CACNA2D1: variants seen among roughly 807,000 people sequenced by gnomAD.
CACNA2D1 encodes calcium voltage-gated channel auxiliary subunit alpha2delta 1, also known as voltage-dependent calcium channel subunit alpha-2/delta-1.
Under a neutral mutation model 171.5 loss-of-function variants are expected in CACNA2D1, and 53 were observed. The ratio of observed to expected loss-of-function variants is 0.31; its 90% CI spans 0.25 to 0.39. The LOEUF is 0.39. Among genes scored for constraint, CACNA2D1 ranks in the 10% least tolerant of loss-of-function variants. The pLI is 1.00. For synonymous variants in CACNA2D1, 442 were observed against 443.1 expected (o/e 1.00, Z 0.03); for missense variants, 903 against 1,299.8 (o/e 0.69, Z 4.69).
intron 3 of CACNA2D1, among the ~76,000 whole-genome samples, chr7:82,305,772 A>G (rs1813652030): frequency 1.3e-5 from 2 of 152,106 alleles, no homozygotes; most frequent in South Asian, 2.1e-4. Context: ...GTTGATTTTC[A>G]TCATATCTAT....
At chr7:82,434,064 A>T (rs1364508360) in intron 1 of CACNA2D1, among the ~76,000 whole-genome samples, 1 of 152,214 alleles carries the variant, frequency 6.6e-6, no homozygotes, top group African/African-American at 2.4e-5. Context: ...ACCATTCAAC[A>T]CCATGAGCAC....
intron 1 of CACNA2D1, among the ~76,000 whole-genome samples, chr7:82,432,148 A>G (rs1052630136): frequency 3.3e-5 from 5 of 152,070 alleles, no homozygotes; most frequent in African/African-American, 1.2e-4. Context: ...AATGATTGTT[A>G]GTAATTATTA....
intron 4 of CACNA2D1, among the ~76,000 whole-genome samples, chr7:82,149,792 AAC>A (rs1171399472): frequency 2.1e-5 from 3 of 143,890 alleles, no homozygotes; most frequent in Admixed American, 6.9e-5. Context: ...ACAAACAAAC[AAC>A]AAAAAAAAAA....
rs908556106 is a variant in CACNA2D1, at chr7:82,099,489, G to A, written c.527-14589C>T. On this transcript the variant is annotated intron_variant, in intron 6 of 38. Coordinates refer to ENST00000356860, the MANE Select transcript of CACNA2D1 (RefSeq NM_000722.4). Reference sequence around the variant, plus strand: ...TTTTGAGACGGAGTCTCGCTCTGTCGCCCAGGCTGGAGTGCAGCGGCGGGA... The same window carrying A: ...TTTTGAGACGGAGTCTCGCTCTGTCACCCAGGCTGGAGTGCAGCGGCGGGA... Among the ~76,000 whole-genome samples, 3 of 39,290 alleles carry A rather than the reference G, an allele frequency of 7.6e-5. No individual in the cohort carries two copies. In the Admixed American group the frequency reaches 1.1e-3, roughly 15 times the overall value. The allele number at this position is 39,290 out of a possible 152,430, so 25.8% of individuals were successfully genotyped here.
intron 9 of CACNA2D1, among the ~76,000 whole-genome samples, chr7:82,063,995 A>T (rs1807285906): frequency 6.6e-6 from 1 of 152,066 alleles, no homozygotes; most frequent in African/African-American, 2.4e-5. Flanking sequence ...AGTAGCTGGA[A>T]CTACAGGTGT....
chr7:82,069,713 CTTTTT>C (rs3839803), intron 7 of CACNA2D1, among the ~76,000 whole-genome samples: 1 of 150,184 alleles, frequency 6.7e-6, no homozygotes, highest in African/African-American at 2.4e-5. Context: ...CGAAGTACCC[CTTTTT>C]TTTTTATTTC....
intron 16 of CACNA2D1, among the ~76,000 whole-genome samples, chr7:82,006,379 T>G (rs1310207358): frequency 1.3e-5 from 2 of 151,998 alleles, no homozygotes; most frequent in African/African-American, 2.4e-5. Flanking sequence ...GCTAATAACT[T>G]CTATATACCA....
At chr7:82,360,650 T>A (rs544238791) in intron 1 of CACNA2D1, among the ~76,000 whole-genome samples, 1 of 152,288 alleles carries the variant, frequency 6.6e-6, no homozygotes, top group African/African-American at 2.4e-5. Flanking sequence ...ACATAAAATA[T>A]TCTAAAAGCA....
chr7:82,365,465 A>G (rs1821578379), intron 1 of CACNA2D1, among the ~76,000 whole-genome samples: 1 of 152,206 alleles, frequency 6.6e-6, no homozygotes, highest in Admixed American at 6.5e-5. Context: ...TTTTGTTTAC[A>G]TTCAATTTAT....
chr7:82,314,177 T>A (rs1211299154), intron 3 of CACNA2D1, among the ~76,000 whole-genome samples: 1 of 152,200 alleles, frequency 6.6e-6, no homozygotes, highest in African/African-American at 2.4e-5. Context: ...GATAAGTAAA[T>A]ACTTTGGTTT....
At chr7:82,126,728 A>T (rs1584842842) in intron 5 of CACNA2D1, among the ~76,000 whole-genome samples, 1 of 152,292 alleles carries the variant, frequency 6.6e-6, no homozygotes, top group Non-Finnish European at 1.5e-5. Flanking sequence ...CATTCAGACA[A>T]TGAGACACCA....
intron 23 of CACNA2D1, 37 bp downstream of exon 23, chr7:81,983,277 T>G: frequency 3.8e-6 from 6 of 1,563,858 alleles, no homozygotes; most frequent in Non-Finnish European, 5.3e-6. Flanking sequence ...TCAAGTGTAC[T>G]AAACAGAAAG....
intron 1 of CACNA2D1, among the ~76,000 whole-genome samples, chr7:82,392,506 C>T (rs533392477): frequency 6.6e-6 from 1 of 152,310 alleles, no homozygotes; most frequent in African/African-American, 2.4e-5. Context: ...GGCTGGGACA[C>T]ACTCTGCCCA....
At chr7:82,093,184 GTGTT>G (rs930545447) in intron 6 of CACNA2D1, among the ~76,000 whole-genome samples, 2 of 152,278 alleles carry the variant, frequency 1.3e-5, no homozygotes, top group African/African-American at 4.8e-5. Context: ...TCTTGGGAAA[GTGTT>G]TTACCCTCTC....
At chr7:82,236,712 G>C (rs1298944265) in intron 3 of CACNA2D1, among the ~76,000 whole-genome samples, 1 of 151,788 alleles carries the variant, frequency 6.6e-6, no homozygotes, top group African/African-American at 2.4e-5. Context: ...TTCTTACATT[G>C]AGCTTTTTAT....
chr7:82,151,738 A>G (rs1285285257), intron 4 of CACNA2D1, among the ~76,000 whole-genome samples: 1 of 152,124 alleles, frequency 6.6e-6, no homozygotes, highest in African/African-American at 2.4e-5. Flanking sequence ...GTGTTATGGA[A>G]CAAAGGAACA....
At chr7:82,131,999 TA>T (rs925983465) in intron 5 of CACNA2D1, among the ~76,000 whole-genome samples, 27 of 152,138 alleles carry the variant, frequency 1.8e-4, no homozygotes, top group Non-Finnish European at 2.9e-4. Flanking sequence ...AATCTTTTTT[TA>T]AAAAAAATGT....
intron 3 of CACNA2D1, among the ~76,000 whole-genome samples, chr7:82,260,497 T>C (rs1374426718): frequency 1.3e-5 from 2 of 152,190 alleles, no homozygotes; most frequent in East Asian, 3.8e-4. Flanking sequence ...CAAGACTCAA[T>C]TACACATGGT....
intron 1 of CACNA2D1, among the ~76,000 whole-genome samples, chr7:82,372,647 A>G: frequency 6.6e-6 from 1 of 152,010 alleles, no homozygotes; most frequent in Non-Finnish European, 1.5e-5. Context: ...CTAAGACATA[A>G]AAGAGAATAA....
Sources: allele counts gnomAD v4.1 joint callset (sites outside exome capture counted in the v4.1 genomes callset), GRCh38; gene constraint gnomAD v4.1.1; transcripts MANE v1.5; gene names NCBI Gene and HGNC (gene_info 2026-07-23, HGNC 2026-07-21).